Variants in RPS6KC1 observed in about 807,000 individuals in gnomAD.
RPS6KC1 encodes inactive ribosomal protein S6 kinase delta-1.
RPS6KC1 carries 54 observed loss-of-function variants against 103.8 expected under a neutral mutation model. That is an observed-to-expected ratio of 0.52 (90% CI 0.42 to 0.65). The LOEUF is 0.65. Ranked by LOEUF, RPS6KC1 falls within the 30% of genes least tolerant of loss-of-function variation. RPS6KC1 has a pLI of 0.00. For missense variants in RPS6KC1, 1,151 were observed against 1,253.8 expected, an observed-to-expected ratio of 0.92 and a Z score of 1.24; for synonymous variants, 439 against 438.7, an observed-to-expected ratio of 1.00 and a Z score of -0.01.
chr1:213,862,082 G>GGGCA, the RPS6KC1 span, among the ~76,000 whole-genome samples: 5 of 152,102 alleles, frequency 3.3e-5, no homozygotes, highest in Non-Finnish European at 5.9e-5. Flanking sequence ...AGCATACCCG[G>GGGCA]GGCAGGCAGG....
At chr1:213,599,974 C>A in the RPS6KC1 span, among the ~76,000 whole-genome samples, 1 of 152,134 alleles carries the variant, frequency 6.6e-6, no homozygotes, top group African/African-American at 2.4e-5. Flanking sequence ...CCTGTAATCC[C>A]CATGTGTAGA....
the RPS6KC1 span, among the ~76,000 whole-genome samples, chr1:213,675,315 G>A: frequency 2.0e-5 from 3 of 152,178 alleles, no homozygotes; most frequent in Non-Finnish European, 4.4e-5. Flanking sequence ...AGAGCCCTTG[G>A]AGTCCTCGGG....
the RPS6KC1 span, among the ~76,000 whole-genome samples, chr1:213,861,249 A>G: frequency 3.3e-5 from 5 of 152,136 alleles, no homozygotes; most frequent in Admixed American, 3.3e-4. Flanking sequence ...AAATATTAAT[A>G]ATTTGTCCCC....
the RPS6KC1 span, among the ~76,000 whole-genome samples, chr1:213,749,298 G>A: frequency 6.6e-6 from 1 of 152,186 alleles, no homozygotes; most frequent in Admixed American, 6.5e-5. Context: ...GAGTAGGTAG[G>A]ACATCGAAGA....
the RPS6KC1 span, among the ~76,000 whole-genome samples, chr1:213,593,988 A>T: frequency 6.6e-6 from 1 of 152,046 alleles, no homozygotes; most frequent in Non-Finnish European, 1.5e-5. Flanking sequence ...GCCTCAGCCT[A>T]CCAAGTATCT....
At chr1:213,182,454 G>A (rs1024821873) in intron 8 of RPS6KC1, among the ~76,000 whole-genome samples, 1 of 152,036 alleles carries the variant, frequency 6.6e-6, no homozygotes, top group African/African-American at 2.4e-5. Flanking sequence ...TCATGCCACC[G>A]CACTCCAGCC....
At chr1:213,666,421 C>A in the RPS6KC1 span, among the ~76,000 whole-genome samples, 1 of 152,154 alleles carries the variant, frequency 6.6e-6, no homozygotes, top group African/African-American at 2.4e-5. Context: ...GTATCCCAGA[C>A]ATATTCTAAT....
chr1:213,302,481 G>A, the RPS6KC1 span, among the ~76,000 whole-genome samples: 2 of 152,228 alleles, frequency 1.3e-5, no homozygotes, highest in East Asian at 1.9e-4. Context: ...GGGCAACATA[G>A]TGTGACTCTC....
the RPS6KC1 span, among the ~76,000 whole-genome samples, chr1:213,689,622 G>A: frequency 1.3e-5 from 2 of 152,174 alleles, no homozygotes; most frequent in Non-Finnish European, 2.9e-5. Flanking sequence ...AGTGATGTAA[G>A]GCAAGCTCAA....
the RPS6KC1 span, among the ~76,000 whole-genome samples, chr1:213,633,913 A>AAAAAAAAAAG: frequency 9.7e-6 from 1 of 102,856 alleles, no homozygotes; most frequent in Non-Finnish European, 2.0e-5. Flanking sequence ...AAAAAAAAAA[A>AAAAAAAAAAG]GCAGGGGTTG....
chr1:213,227,381 T>G (rs2817983), intron 8 of RPS6KC1, among the ~76,000 whole-genome samples: 2,900 of 152,336 alleles, frequency 0.019, 97 homozygotes, highest in African/African-American at 0.065. Context: ...ATAGAATAAT[T>G]TTTATGCTGT....
the RPS6KC1 span, among the ~76,000 whole-genome samples, chr1:213,615,407 T>C: frequency 6.6e-6 from 1 of 152,208 alleles, no homozygotes; most frequent in African/African-American, 2.4e-5. Flanking sequence ...GTGCCTGCAA[T>C]CTGCTACCTT....
chr1:213,520,029 C>T, the RPS6KC1 span, among the ~76,000 whole-genome samples: 1 of 152,120 alleles, frequency 6.6e-6, no homozygotes, highest in Non-Finnish European at 1.5e-5. Flanking sequence ...ACATCTTTAT[C>T]TTGAGCTATG....
At chr1:213,396,741 G>A in the RPS6KC1 span, among the ~76,000 whole-genome samples, 2 of 152,200 alleles carry the variant, frequency 1.3e-5, no homozygotes, top group East Asian at 3.9e-4. Context: ...TGTTCCATAC[G>A]CGTTTGTGGC....
At chr1:213,825,519 A>G in the RPS6KC1 span, among the ~76,000 whole-genome samples, 5 of 152,170 alleles carry the variant, frequency 3.3e-5, no homozygotes, top group East Asian at 1.9e-4. Flanking sequence ...TTGCAATCCT[A>G]CAAGGGGGTT....
At chr1:213,298,539 T>C in the RPS6KC1 span, among the ~76,000 whole-genome samples, 1 of 152,288 alleles carries the variant, frequency 6.6e-6, no homozygotes, top group South Asian at 2.1e-4. Flanking sequence ...TGTTTGCTGT[T>C]TTTTTGAGCA....
the RPS6KC1 span, among the ~76,000 whole-genome samples, chr1:213,800,471 T>C: frequency 2.0e-5 from 3 of 152,136 alleles, no homozygotes; most frequent in East Asian, 3.9e-4. Context: ...ATGACATTCA[T>C]GGTCAGGAAT....
chr1:213,348,908 C>T, the RPS6KC1 span, among the ~76,000 whole-genome samples: 2 of 152,276 alleles, frequency 1.3e-5, no homozygotes, highest in Middle Eastern at 3.4e-3. Context: ...TTAATAAGTG[C>T]TCCTTGAATT....
chr1:213,477,652 T>C, the RPS6KC1 span, among the ~76,000 whole-genome samples: 2 of 152,226 alleles, frequency 1.3e-5, no homozygotes, highest in African/African-American at 4.8e-5. Flanking sequence ...AAGGTTAATA[T>C]AATAAAACCC....
Sources: allele counts gnomAD v4.1 joint callset (sites outside exome capture counted in the v4.1 genomes callset), GRCh38; gene constraint gnomAD v4.1.1; transcripts MANE v1.5; gene names NCBI Gene and HGNC (gene_info 2026-07-23, HGNC 2026-07-21).